SPDYE10: variants seen among roughly 807,000 people sequenced by gnomAD.
The protein encoded by SPDYE10 is speedy/RINGO cell cycle regulator family member E10, also known as speedy protein E10.
chr7:73,152,330 T>A, the SPDYE10 span, among the ~76,000 whole-genome samples: 1 of 145,732 alleles, frequency 6.9e-6, no homozygotes, highest in African/African-American at 2.6e-5. Context: ...TTTTTTTTTT[T>A]AAGAAACTGA....
the SPDYE10 span, among the ~76,000 whole-genome samples, chr7:73,135,378 A>C: frequency 4.1e-3 from 593 of 146,254 alleles, no homozygotes; most frequent in African/African-American, 7.1e-3. Flanking sequence ...GCCCTTAAGC[A>C]AGACTGCCAA....
chr7:73,128,926 GT>G, the SPDYE10 span, among the ~76,000 whole-genome samples: 1 of 32,908 alleles, frequency 3.0e-5, no homozygotes, highest in Non-Finnish European at 5.6e-5. Context: ...TCCCAAGTAG[GT>G]GGGATTACAG....
chr7:73,137,594 G>GAAAGAAAGAAAGA, the SPDYE10 span, among the ~76,000 whole-genome samples: 1 of 5,796 alleles, frequency 1.7e-4, no homozygotes, highest in Non-Finnish European at 3.1e-4. Flanking sequence ...AAGAAGAGAT[G>GAAAGAAAGAAAGA]AAAGAAAGAA....
chr7:73,145,056 C>T, the SPDYE10 span, among the ~76,000 whole-genome samples: 1 of 131,602 alleles, frequency 7.6e-6, no homozygotes, highest in African/African-American at 3.4e-5. Context: ...ATGTCATGTC[C>T]TATTTTCCTT....
At chr7:73,152,285 T>C in the SPDYE10 span, among the ~76,000 whole-genome samples, 10 of 141,338 alleles carry the variant, frequency 7.1e-5, no homozygotes, top group Non-Finnish European at 1.5e-4. Flanking sequence ...AATGCTGGGA[T>C]TATAGTTGTG....
chr7:73,149,095 G>A, the SPDYE10 span, among the ~76,000 whole-genome samples: 4 of 151,394 alleles, frequency 2.6e-5, no homozygotes, highest in East Asian at 3.8e-4. Context: ...ATCCTCCCAC[G>A]TCAGCCTCCG....
the SPDYE10 span, among the ~76,000 whole-genome samples, chr7:73,123,796 T>TCC: frequency 1.4e-5 from 2 of 146,214 alleles, no homozygotes; most frequent in Admixed American, 6.8e-5. Context: ...TCCCTCTCTC[T>TCC]CTCTCTCTCT....
the SPDYE10 span, among the ~76,000 whole-genome samples, chr7:73,132,475 A>G: frequency 6.6e-6 from 1 of 152,112 alleles, no homozygotes; most frequent in African/African-American, 2.4e-5. Context: ...TGAATCCAGG[A>G]TTTTGAGGCT....
the SPDYE10 span, among the ~76,000 whole-genome samples, chr7:73,135,406 GCATT>G: frequency 1.1e-3 from 160 of 145,960 alleles, no homozygotes; most frequent in East Asian, 2.6e-3. Flanking sequence ...CTTTGTCCAC[GCATT>G]CATTCATTCA....
the SPDYE10 span, among the ~76,000 whole-genome samples, chr7:73,123,528 G>A: frequency 6.6e-6 from 1 of 152,230 alleles, no homozygotes; most frequent in Non-Finnish European, 1.5e-5. Flanking sequence ...GTGCAGTGGT[G>A]TGATCTCAGC....
the SPDYE10 span, among the ~76,000 whole-genome samples, chr7:73,132,440 G>A: frequency 3.4e-4 from 52 of 152,222 alleles, no homozygotes; most frequent in Admixed American, 2.0e-3. Context: ...CCAGCTACTC[G>A]GGAGGCTGAG....
chr7:73,113,742 A>G, the SPDYE10 span, among the ~76,000 whole-genome samples: 6 of 152,006 alleles, frequency 3.9e-5, no homozygotes, highest in African/African-American at 9.7e-5. Context: ...AAAAATACAA[A>G]AAATTAGACG....
the SPDYE10 span, among the ~76,000 whole-genome samples, chr7:73,137,546 A>C: frequency 2.7e-5 from 4 of 150,376 alleles, no homozygotes; most frequent in African/African-American, 7.4e-5. Context: ...GAGAGAGAGA[A>C]AGAAAGAGAA....
the SPDYE10 span, among the ~76,000 whole-genome samples, chr7:73,152,094 A>G: frequency 4.7e-4 from 67 of 143,880 alleles, no homozygotes; most frequent in Middle Eastern, 3.6e-3. Flanking sequence ...GGCTCACTGC[A>G]ACCTCTGCCT....
At chr7:73,137,198 C>A in the SPDYE10 span, among the ~76,000 whole-genome samples, 5 of 149,360 alleles carry the variant, frequency 3.3e-5, no homozygotes, top group Non-Finnish European at 7.4e-5. Flanking sequence ...CTGACCAACA[C>A]GGTAAAACTC....
At chr7:73,137,653 G>GGAGAAAGA in the SPDYE10 span, among the ~76,000 whole-genome samples, 2 of 131,560 alleles carry the variant, frequency 1.5e-5, no homozygotes, top group South Asian at 5.5e-4. Context: ...GAGAAAGAAA[G>GGAGAAAGA]AAAAGAGAAA....
At chr7:73,134,585 G>A in the SPDYE10 span, among the ~76,000 whole-genome samples, 1 of 152,024 alleles carries the variant, frequency 6.6e-6, no homozygotes. Flanking sequence ...AGGCAGGACA[G>A]GCATAATGGC....
the SPDYE10 span, among the ~76,000 whole-genome samples, chr7:73,126,557 G>A: frequency 7.6e-6 from 1 of 131,422 alleles, no homozygotes; most frequent in South Asian, 2.4e-4. Flanking sequence ...GAACTAAAGA[G>A]TCATACAAGT....
At chr7:73,113,769 C>G in the SPDYE10 span, among the ~76,000 whole-genome samples, 3 of 152,020 alleles carry the variant, frequency 2.0e-5, no homozygotes, top group Non-Finnish European at 4.4e-5. Context: ...GGTGCCATGG[C>G]TCATGCCTGT....
Sources: gnomAD v4.1 joint callset for allele counts (sites outside exome capture counted in the v4.1 genomes callset) on GRCh38, gnomAD v4.1.1 for gene constraint, MANE v1.5 for transcripts, NCBI Gene and HGNC (gene_info 2026-07-23, HGNC 2026-07-21) for gene names.